CT47C1: variants seen among roughly 807,000 people sequenced by gnomAD.
CT47C1 encodes the protein cancer/testis antigen family 47 member C1.
At chrX:119,074,576 C>T in the CT47C1 span, among the ~76,000 whole-genome samples, 1 of 111,482 alleles carries the variant, frequency 9.0e-6, no homozygotes, top group African/African-American at 3.3e-5. Context: ...GGTGAGGAAC[C>T]AATGAGCTTC....
chrX:119,074,823 C>T, the CT47C1 span: 1 of 772,951 alleles, frequency 1.3e-6, no homozygotes, highest in South Asian at 2.7e-5. Context: ...GGAAGGTGCC[C>T]AGCTATTCCT....
chrX:119,073,418 T>G, the CT47C1 span: 1 of 522,829 alleles, frequency 1.9e-6, no homozygotes, highest in Admixed American at 2.5e-5. Flanking sequence ...GGCGGCAGGC[T>G]TGGCCGCAGC....
At chrX:119,074,185 G>T in the CT47C1 span, 7 of 403,347 alleles carry the variant, frequency 1.7e-5, no homozygotes, top group Middle Eastern at 6.3e-4. Flanking sequence ...GTGGTGAAGT[G>T]GGGGTCGGGC....
chrX:119,073,698 G>A, the CT47C1 span: 16 of 667,201 alleles, frequency 2.4e-5, no homozygotes, highest in South Asian at 3.3e-4. Flanking sequence ...ATGCGGAGGC[G>A]CCGCACTGCG....
chrX:119,073,733 C>G, the CT47C1 span: 88 of 766,526 alleles, frequency 1.1e-4, no homozygotes, highest in Non-Finnish European at 3.4e-5. Context: ...AGAAGAGCCC[C>G]GGCTGTTGCT....
chrX:119,074,347 A>C, the CT47C1 span, among the ~76,000 whole-genome samples: 20 of 111,906 alleles, frequency 1.8e-4, no homozygotes, highest in Admixed American at 2.8e-4. Flanking sequence ...ATCTGAGATC[A>C]TCAATGCCAT....
chrX:119,073,798 C>A, the CT47C1 span: 1 of 863,682 alleles, frequency 1.2e-6, no homozygotes, highest in East Asian at 3.2e-5. Context: ...AGGGCCTGGG[C>A]CTGCTCCAGG....
the CT47C1 span, among the ~76,000 whole-genome samples, chrX:119,075,314 A>T: frequency 8.9e-6 from 1 of 112,747 alleles, no homozygotes. Context: ...AATACACTTC[A>T]TGGCTACTCA....
At chrX:119,073,114 T>C in the CT47C1 span, 3 of 391,960 alleles carry the variant, frequency 7.7e-6, no homozygotes, top group Non-Finnish European at 1.3e-5. Flanking sequence ...TCTTATTCTC[T>C]CAGCAGCCCA....
chrX:119,075,906 AAAC>A, the CT47C1 span, among the ~76,000 whole-genome samples: 4 of 111,814 alleles, frequency 3.6e-5, no homozygotes, highest in South Asian at 3.7e-4. Context: ...TCTCATGTAA[AAAC>A]AACAACAAGA....
chrX:119,073,963 G>A, the CT47C1 span: 2 of 757,254 alleles, frequency 2.6e-6, no homozygotes, highest in Non-Finnish European at 4.0e-6. Context: ...CCACAGAGGA[G>A]GCCGCAGAGG....
At chrX:119,073,293 C>G in the CT47C1 span, 2 of 503,588 alleles carry the variant, frequency 4.0e-6, no homozygotes, top group African/African-American at 4.7e-5. Context: ...CAGGAGGGAG[C>G]GCAGGCCGAG....
At chrX:119,073,505 G>C in the CT47C1 span, 3 of 514,308 alleles carry the variant, frequency 5.8e-6, no homozygotes, top group Non-Finnish European at 1.0e-5. Context: ...GGAGGATGAG[G>C]AGGAGGAAGA....
the CT47C1 span, chrX:119,074,129 A>G: frequency 2.1e-6 from 1 of 477,115 alleles, no homozygotes; most frequent in South Asian, 3.3e-5. Context: ...CCGTGCACCC[A>G]AGGGTTCCAG....
chrX:119,073,832 G>A, the CT47C1 span: 1 of 880,122 alleles, frequency 1.1e-6, no homozygotes, highest in African/African-American at 1.9e-5. Flanking sequence ...CCCAGAGCCT[G>A]AGGTGCCAGC....
the CT47C1 span, chrX:119,073,663 G>A: frequency 8.6e-6 from 5 of 582,865 alleles, no homozygotes; most frequent in East Asian, 1.3e-4. Flanking sequence ...ACCACATCCT[G>A]ATCAGGATGC....
chrX:119,073,981 C>G, the CT47C1 span: 6 of 712,622 alleles, frequency 8.4e-6, no homozygotes, highest in African/African-American at 2.1e-5. Context: ...AGGAGGAGCT[C>G]GCAGAGGAGG....
the CT47C1 span, chrX:119,075,208 TAAGAA>T: frequency 1.0e-6 from 1 of 972,602 alleles, no homozygotes; most frequent in Non-Finnish European, 1.4e-6. Context: ...GTAAATTAAT[TAAGAA>T]AAGGTTTTAG....
chrX:119,073,946 G>T, the CT47C1 span: 1 of 800,626 alleles, frequency 1.2e-6, no homozygotes. Context: ...GGAGGCCTCA[G>T]AGAAGCCCAC....
Sources: gnomAD v4.1 joint callset for allele counts (sites outside exome capture counted in the v4.1 genomes callset) on GRCh38, gnomAD v4.1.1 for gene constraint, MANE v1.5 for transcripts, NCBI Gene and HGNC (gene_info 2026-07-23, HGNC 2026-07-21) for gene names.